Variants in SMURF1 observed in about 807,000 individuals in gnomAD.
SMURF1 encodes the protein SMAD specific E3 ubiquitin protein ligase 1, also known as E3 ubiquitin-protein ligase SMURF1.
Under a neutral mutation model 98.0 loss-of-function variants are expected in SMURF1, and 44 were observed. That is an observed-to-expected ratio of 0.45 (90% CI 0.35 to 0.58). The LOEUF (loss-of-function observed/expected upper bound fraction) is 0.58. Ranked by LOEUF, SMURF1 falls within the 20% of genes least tolerant of loss-of-function variation. The pLI is 0.00. For missense variants in SMURF1, 687 were observed against 938.4 expected, an observed-to-expected ratio of 0.73 and a Z score of 3.50; for synonymous variants, 396 against 374.9, an observed-to-expected ratio of 1.06 and a Z score of -0.65.
intron 1 of SMURF1, among the ~76,000 whole-genome samples, chr7:99,088,689 G>A (rs747808792): frequency 2.6e-5 from 4 of 152,174 alleles, no homozygotes; most frequent in Non-Finnish European, 4.4e-5. Context: ...GGTTAGGAAG[G>A]TAGTTTGTTT....
At position 99,097,450 on chromosome 7, in the gene SMURF1, C is replaced by G. The variant is rs79714510; in HGVS notation, c.56-35613G>C. On this transcript the variant is annotated intron_variant, in intron 1 of 17. Transcript: ENST00000361368. ...ATGGGAGATATTTAGGTCATGAAGG[C>G]TCTACTCGCATGAATGGATTGATGA... Among the ~76,000 whole-genome samples, 307 of 152,278 alleles carry G rather than the reference C, an allele frequency of 2.0e-3. 3 individuals carry two copies. The highest frequency in any genetic ancestry group is 7.0e-3 in the African/African-American group (291 of 41,558).
intron 1 of SMURF1, among the ~76,000 whole-genome samples, chr7:99,117,956 A>G (rs907735231): frequency 2.0e-5 from 3 of 152,094 alleles, no homozygotes; most frequent in Non-Finnish European, 4.4e-5. Flanking sequence ...TAAGGAAGAT[A>G]TACAAATAAT....
rs1348940303 is a variant in SMURF1 at position 99,038,524 on chromosome 7, C to G, written c.1552G>C (p.Glu518Gln). Residue 518 changes from glutamate (E) to glutamine (Q), a missense_variant and splice_region_variant, in exon 14 of 18, where the codon GAG (glutamate) becomes CAG (glutamine). Physicochemically the swap from Glu to Gln is conservative, Grantham distance 29. Transcript: ENST00000361368. Reference protein sequence around the residue: ...ELHKSLVWILENDITPVLDHT... With the variant: ...ELHKSLVWILQNDITPVLDHT... ...TCCAGTACAGGCGTGATGTCGTTCT[C>G]TCTGTTGAAATAAGACAGAAGGATG... The G allele has an allele frequency of 6.2e-7, 1 of 1,613,818 alleles. No homozygotes were observed. The highest frequency in any genetic ancestry group is 8.5e-7 in the Non-Finnish European group (1 of 1,179,870).
At chr7:99,121,937 G>C (rs969148733) in intron 1 of SMURF1, among the ~76,000 whole-genome samples, 1 of 152,174 alleles carries the variant, frequency 6.6e-6, no homozygotes, top group Non-Finnish European at 1.5e-5. Context: ...TCTCCACTGC[G>C]CATCACCTTC....
intron 3 of SMURF1, among the ~76,000 whole-genome samples, chr7:99,059,417 TAAAATA>T (rs1563010606): frequency 0.029 from 1,074 of 36,670 alleles, 30 homozygotes; most frequent in Non-Finnish European, 0.038. Flanking sequence ...TAAAATAAAA[TAAAATA>T]AAATAAAATA....
intron 13 of SMURF1, 104 bp from the exon 14 acceptor site, chr7:99,038,629 C>G (rs1421119416): frequency 5.0e-6 from 7 of 1,403,764 alleles, no homozygotes; most frequent in Admixed American, 2.0e-5. Context: ...GGCTGCAAGA[C>G]AGGACAGCCT....
chr7:99,050,851 A>T (rs1326150721), intron 8 of SMURF1: 6 of 1,261,706 alleles, frequency 4.8e-6, no homozygotes, highest in Non-Finnish European at 5.5e-6. Flanking sequence ...CTAAAAGGAA[A>T]TAAAAAGCAA....
chr7:99,034,994 C>G (rs1047037533), intron 16 of SMURF1, among the ~76,000 whole-genome samples: 1 of 152,220 alleles, frequency 6.6e-6, no homozygotes, highest in African/African-American at 2.4e-5. Flanking sequence ...AAAGATGAGA[C>G]ATTAGGCCGC....
chr7:99,133,979 G>T (rs1394788994), intron 1 of SMURF1, among the ~76,000 whole-genome samples: 6 of 152,114 alleles, frequency 3.9e-5, no homozygotes, highest in Non-Finnish European at 8.8e-5. Flanking sequence ...TTGCCAGGGG[G>T]GTGCGGCTGA....
chr7:99,143,603 G>T, intron 1 of SMURF1, 123 bp downstream of exon 1: 1 of 764,176 alleles, frequency 1.3e-6, no homozygotes, highest in Non-Finnish European at 1.9e-6. Flanking sequence ...ACGCCGAAGG[G>T]GGTGACGAGG....
At chr7:99,037,518 C>T (rs1397484316) in intron 14 of SMURF1, among the ~76,000 whole-genome samples, 5 of 152,188 alleles carry the variant, frequency 3.3e-5, no homozygotes, top group Admixed American at 6.6e-5. Context: ...GGATTACAGG[C>T]ATGAGCCACT....
intron 1 of SMURF1, among the ~76,000 whole-genome samples, chr7:99,063,246 TATA>T (rs1796088105): frequency 1.1e-3 from 3 of 2,842 alleles, no homozygotes; most frequent in African/African-American, 1.8e-3. Context: ...TTTATTTATA[TATA>T]TATATATATA....
At chr7:99,104,249 TAAG>T (rs1281393761) in intron 1 of SMURF1, among the ~76,000 whole-genome samples, 4 of 152,210 alleles carry the variant, frequency 2.6e-5, no homozygotes, top group Admixed American at 1.3e-4. Flanking sequence ...TACAATAACT[TAAG>T]AATCATTTTG....
chr7:99,038,812 G>T (rs1489097002), intron 13 of SMURF1, among the ~76,000 whole-genome samples: 1 of 152,116 alleles, frequency 6.6e-6, no homozygotes, highest in Non-Finnish European at 1.5e-5. Flanking sequence ...CAGCTGCTTT[G>T]TAAGCAGTGT....
chr7:99,143,852 G>T lies in SMURF1; in HGVS notation c.-72C>A. The T allele has an allele frequency of 7.2e-7, 1 of 1,381,046 alleles. No individual in the cohort carries two copies. The highest frequency in any genetic ancestry group is 9.6e-7 in the Non-Finnish European group (1 of 1,046,024). The allele number at this position is 1,381,046 out of a possible 1,614,324, so 85.5% of individuals were successfully genotyped here. On this transcript the variant is annotated 5_prime_UTR_variant, in exon 1 of 18. Transcript: ENST00000361368. ...CAGCCCGGCCCGGCCCGGCCCCGCC[G>T]CCGCCGCCTCAAGGTTACGGCTCCG...
chr7:99,060,557 T>C (rs1228042587), intron 3 of SMURF1, 42 bp downstream of exon 3: 6 of 1,452,696 alleles, frequency 4.1e-6, no homozygotes, highest in Middle Eastern at 1.8e-4. Flanking sequence ...GACACCTGCT[T>C]TCCTGCCGCT....
intron 1 of SMURF1, among the ~76,000 whole-genome samples, chr7:99,104,505 T>C (rs763737949): frequency 3.3e-5 from 5 of 152,184 alleles, no homozygotes; most frequent in Admixed American, 6.5e-5. Context: ...TCAAAATCTC[T>C]ATGCATCATC....
chr7:99,046,470 G>A (rs535839775), intron 10 of SMURF1, among the ~76,000 whole-genome samples: 3 of 152,060 alleles, frequency 2.0e-5, no homozygotes, highest in Non-Finnish European at 4.4e-5. Context: ...GGCTCCGCCT[G>A]TAATCCCAGT....
intron 1 of SMURF1, among the ~76,000 whole-genome samples, chr7:99,068,565 G>A (rs1490296781): frequency 6.6e-6 from 1 of 152,158 alleles, no homozygotes; most frequent in Non-Finnish European, 1.5e-5. Flanking sequence ...CTCCCCAAGT[G>A]CTGAGATTAC....
Sources: gnomAD v4.1 joint callset for allele counts (sites outside exome capture counted in the v4.1 genomes callset) on GRCh38, gnomAD v4.1.1 for gene constraint, MANE v1.5 for transcripts, NCBI Gene and HGNC (gene_info 2026-07-23, HGNC 2026-07-21) for gene names.